Variants in GARNL3 observed in about 807,000 individuals in gnomAD.
The protein encoded by GARNL3 is GTPase-activating Rap/Ran-GAP domain-like protein 3.
GARNL3 carries 63 observed loss-of-function variants against 125.0 expected under a neutral mutation model. The observed-to-expected ratio is 0.50, with a 90% CI of 0.41 to 0.62. The LOEUF (loss-of-function observed/expected upper bound fraction) is 0.62, where lower values mean the gene tolerates loss of function less well. GARNL3 is among the 20% of genes least tolerant of loss of function. GARNL3 has a pLI of 0.00. For synonymous variants in GARNL3, 439 were observed against 457.5 expected (o/e 0.96, Z 0.52); for missense variants, 994 against 1,244.0 (o/e 0.80, Z 3.02).
At position 127,344,251 on chromosome 9, in the gene GARNL3, G is replaced by A. The variant is rs1291112621; in HGVS notation, c.1268G>A (p.Arg423Gln). The A allele has an allele frequency of 1.7e-5, 27 of 1,609,728 alleles. No individual in the cohort carries two copies. The highest frequency in any genetic ancestry group is 2.7e-5 in the African/African-American group (2 of 74,744). ...CTTTTTTAGAACATGCTTAATAGAC[G>A]ATCTTTTAGTGATGTCTTACCAGAG... The part of the protein sequence containing the change: ...PDLHKNMLNR[R>Q]SFSDVLPESP... The change falls in exon 15 of 28, where the codon CGA (arginine) becomes CAA (glutamine). Residue 423 changes from arginine to glutamine, a missense_variant. Physicochemically the swap from Arg to Gln is conservative, Grantham distance 43. Coordinates refer to ENST00000373387, the MANE Select transcript of GARNL3 (RefSeq NM_032293.5).
chr9:127,387,931 A>G (rs917079650), intron 25 of GARNL3, among the ~76,000 whole-genome samples: 1 of 152,098 alleles, frequency 6.6e-6, no homozygotes, highest in Admixed American at 6.6e-5. Flanking sequence ...GGATCGCTTG[A>G]GCCCAGCAGT....
chr9:127,336,040 T>G (rs200733078), intron 10 of GARNL3, 88 bp from the exon 11 acceptor site: 55 of 933,584 alleles, frequency 5.9e-5, no homozygotes, highest in East Asian at 2.5e-5. Flanking sequence ...GTGGCTGTGG[T>G]TTGTTATATT....
At chr9:127,277,663 G>C (rs1272804836) in intron 1 of GARNL3, among the ~76,000 whole-genome samples, 4 of 151,832 alleles carry the variant, frequency 2.6e-5, no homozygotes, top group Non-Finnish European at 5.9e-5. Flanking sequence ...GCCTTACTTA[G>C]CTCATGTGGC....
chr9:127,255,387 A>G (rs779568181), intron 2 of GARNL3, among the ~76,000 whole-genome samples: 2 of 152,258 alleles, frequency 1.3e-5, no homozygotes, highest in Non-Finnish European at 2.9e-5. Flanking sequence ...GCAGGAAGAT[A>G]TGCATGGTAT....
intron 2 of GARNL3, among the ~76,000 whole-genome samples, chr9:127,306,863 C>A (rs1407241069): frequency 2.0e-5 from 3 of 152,010 alleles, no homozygotes; most frequent in Non-Finnish European, 2.9e-5. Context: ...CCAGCATGGG[C>A]AACAGAGCAA....
intron 2 of GARNL3, among the ~76,000 whole-genome samples, chr9:127,297,742 A>G (rs1238168264): frequency 6.6e-6 from 1 of 152,238 alleles, no homozygotes; most frequent in Non-Finnish European, 1.5e-5. Context: ...TTTAAAATTT[A>G]CATCTTTATT....
chr9:127,336,771 C>A (rs997382143), intron 11 of GARNL3, among the ~76,000 whole-genome samples: 15 of 152,246 alleles, frequency 9.9e-5, no homozygotes, highest in African/African-American at 3.6e-4. Context: ...GAAGCTTCTG[C>A]AGTGTCTGAG....
intron 21 of GARNL3, 61 bp from the exon 22 acceptor site, chr9:127,365,237 TAA>T: frequency 1.4e-6 from 2 of 1,414,020 alleles, no homozygotes; most frequent in Non-Finnish European, 1.0e-6. Context: ...TCACAACTTG[TAA>T]AAGTCTTTTC....
At position 127,272,996 on chromosome 9, in the gene GARNL3, A is replaced by G. The variant is rs186888182; in HGVS notation, c.144+7975A>G. 2.7e-3 allele frequency among the ~76,000 whole-genome samples: 410 copies of G among 152,186 alleles called. 2 individuals are homozygous for G. The highest frequency in any genetic ancestry group is 3.8e-3 in the Non-Finnish European group (258 of 67,994). On this transcript the variant is annotated intron_variant, in intron 1 of 27. Transcript: ENST00000373387. Reference sequence around the variant, plus strand: ...CTTTTATTATGGTTATTATTTTATTATTTTTATTATTAGTTTTAACATTTT... The same window carrying G: ...CTTTTATTATGGTTATTATTTTATTGTTTTTATTATTAGTTTTAACATTTT...
rs549606933 is a variant in GARNL3, at chr9:127,296,956, C to T, written c.219+5714C>T. ...CCCCCTGTGAGTCCCCTCCTTAGAA[C>T]AAAAGATGTTCCTGTCACCCTTATC... On this transcript the variant is annotated intron_variant, in intron 2 of 27. Coordinates refer to ENST00000373387, the MANE Select transcript of GARNL3 (RefSeq NM_032293.5). Among the ~76,000 whole-genome samples the T allele has an allele frequency of 9.9e-5, 15 of 152,210 alleles. No homozygotes were observed. The East Asian group carries it at 2.5e-3, about 25-fold the overall frequency.
chr9:127,371,017 T>TCCTCCTCTGATGTGCC (rs1180970368), intron 22 of GARNL3, among the ~76,000 whole-genome samples: 4 of 152,142 alleles, frequency 2.6e-5, no homozygotes, highest in African/African-American at 4.8e-5. Flanking sequence ...TCACATGTGC[T>TCCTCCTCTGATGTGCC]CCTCCTCTGA....
At chr9:127,386,335 C>T (rs10819286) in intron 24 of GARNL3, among the ~76,000 whole-genome samples, 20,084 of 152,222 alleles carry the variant, frequency 0.13, 1,777 homozygotes, top group South Asian at 0.33. Flanking sequence ...TTGTTCATTA[C>T]TAGTACTTTC....
In GARNL3 at chr9:127,273,196, C is replaced by T. The variant is rs552701390; in HGVS notation, c.144+8175C>T. ...TCCCATTTAACTGATGATACCAGAG[C>T]GGTCCCACAGCTAGGAAGAAGCAGG... On this transcript the variant is annotated intron_variant, in intron 1 of 27. Coordinates refer to ENST00000373387, the MANE Select transcript of GARNL3 (RefSeq NM_032293.5). Among the ~76,000 whole-genome samples, 78 of 152,138 alleles carry T rather than the reference C, an allele frequency of 5.1e-4. 1 individual carries two copies. In the South Asian group the frequency reaches 0.014, roughly 27 times the overall value.
At chr9:127,292,005 G>A (rs1309293458) in intron 2 of GARNL3, among the ~76,000 whole-genome samples, 2 of 151,988 alleles carry the variant, frequency 1.3e-5, no homozygotes, top group Non-Finnish European at 2.9e-5. Flanking sequence ...ACTATGCCTG[G>A]CACATAGTAA....
At chr9:127,366,303 C>G (rs1309227561) in intron 22 of GARNL3, among the ~76,000 whole-genome samples, 2 of 152,118 alleles carry the variant, frequency 1.3e-5, no homozygotes, top group Non-Finnish European at 2.9e-5. Flanking sequence ...GTGGTTAAAC[C>G]TCTTCAACAA....
At position 127,342,288 on chromosome 9, in the gene GARNL3, T is replaced by C; in HGVS notation, c.1205T>C (p.Met402Thr). The stretch of plus-strand genomic sequence containing the variant: ...CAGAAACGTCGGCGTACCCTGGATA[T>C]GTTGATTAGATCTTTACACCAGGAT... ...FAQKRRRTLD[M>T]LIRSLHQDLM... The change falls in exon 14 of 28, where the codon ATG (methionine) becomes ACG (threonine). Residue 402 changes from methionine (M) to threonine (T), a missense_variant. Met to Thr is a moderately conservative substitution (Grantham distance 81). Transcript: ENST00000373387. 6.2e-7 allele frequency: 1 copy of C among 1,614,002 alleles called. No individual in the cohort carries two copies. The highest frequency in any genetic ancestry group is 8.5e-7 in the Non-Finnish European group (1 of 1,179,884).
At position 127,270,454 on chromosome 9, in the gene GARNL3, C is replaced by T. The variant is rs375488585; in HGVS notation, c.144+5433C>T. On this transcript the variant is annotated intron_variant, in intron 1 of 27. Transcript: ENST00000373387. ...CTTTCTCTTTCACCTTCTTTCATGCCGCTTCCTCACTGTGGCTCAAATGTC... is the reference window on the plus strand; with the variant it reads ...CTTTCTCTTTCACCTTCTTTCATGCTGCTTCCTCACTGTGGCTCAAATGTC... Among the ~76,000 whole-genome samples, 15 of 152,294 alleles carry T rather than the reference C, an allele frequency of 9.8e-5. No individual in the cohort carries two copies. In the East Asian group the frequency reaches 2.3e-3, roughly 23 times the overall value.
intron 21 of GARNL3, among the ~76,000 whole-genome samples, chr9:127,359,690 A>T (rs978965747): frequency 6.6e-6 from 1 of 152,228 alleles, no homozygotes; most frequent in Admixed American, 6.5e-5. Flanking sequence ...GTTCTATTTT[A>T]AAATAAATCA....
Position 127,355,302 on chromosome 9 carries a change from C to T in GARNL3, c.1765C>T (p.His589Tyr), listed in dbSNP as rs770505001. ...TCATTTCTTTCTCCTCCCAGGCTGC[C>T]ACCTGTATGCTATTAACACTCACCA... The part of the protein sequence containing the change: ...ENKLEKTKGC[H>Y]LYAINTHHSR... The change falls in exon 20 of 28, where the codon CAC (histidine) becomes TAC (tyrosine). Residue 589 changes from histidine (H) to tyrosine (Y), a missense_variant. Around this residue, in one of 5 missense-constraint regions of GARNL3, gnomAD observed 728 missense variants for 865.7 expected, o/e 0.84. Transcript: ENST00000373387. 1 of 1,613,496 alleles carries T rather than the reference C, an allele frequency of 6.2e-7. No homozygotes were observed. The highest frequency in any genetic ancestry group is 8.5e-7 in the Non-Finnish European group (1 of 1,179,456).
Sources: allele counts gnomAD v4.1 joint callset (sites outside exome capture counted in the v4.1 genomes callset), GRCh38; gene constraint gnomAD v4.1.1; regional missense constraint gnomAD v4.1.1; transcripts MANE v1.5; gene names NCBI Gene and HGNC (gene_info 2026-07-23, HGNC 2026-07-21).